Variants in DNAH11 observed in about 807,000 individuals in gnomAD.
DNAH11 encodes the protein dynein axonemal heavy chain 11, also known as axonemal beta dynein heavy chain 11.
DNAH11 carries 442 observed loss-of-function variants against 526.0 expected under a neutral mutation model. The ratio of observed to expected loss-of-function variants is 0.84; its 90% CI spans 0.78 to 0.91. DNAH11 has a LOEUF of 0.91. Among genes scored for constraint, DNAH11 ranks in the 40% least tolerant of loss-of-function variants. DNAH11 has a pLI of 0.00. For synonymous variants in DNAH11, 2,461 were observed against 1,935.9 expected (o/e 1.27, Z -7.12); for missense variants, 6,989 against 5,448.7 (o/e 1.28, Z -8.90).
chr7:21,852,735 G>C (rs1210946449), intron 67 of DNAH11, 104 bp downstream of exon 67: 2 of 1,243,124 alleles, frequency 1.6e-6, no homozygotes, highest in East Asian at 2.5e-5. Flanking sequence ...AAGAGGACCA[G>C]CGTGTGGAAT....
intron 45 of DNAH11, among the ~76,000 whole-genome samples, chr7:21,726,233 C>T (rs545326411): frequency 2.8e-4 from 43 of 152,166 alleles, no homozygotes; most frequent in Middle Eastern, 3.4e-3. Context: ...GTGCTGCACA[C>T]TTTTAAATGG....
At chr7:21,872,134 A>AC (rs1223353981) in intron 73 of DNAH11, among the ~76,000 whole-genome samples, 2 of 111,608 alleles carry the variant, frequency 1.8e-5, no homozygotes, top group African/African-American at 1.1e-4. Context: ...AAAAAAAAAA[A>AC]AAAAAAAAAA....
At chr7:21,894,156 TG>T (rs1784424934) in intron 77 of DNAH11, among the ~76,000 whole-genome samples, 1 of 152,198 alleles carries the variant, frequency 6.6e-6, no homozygotes, top group African/African-American at 2.4e-5. Flanking sequence ...CCCAAAGTGC[TG>T]GGATTACAGG....
chr7:21,602,438 T>C (rs999021378), intron 18 of DNAH11, among the ~76,000 whole-genome samples: 6 of 152,208 alleles, frequency 3.9e-5, no homozygotes, highest in African/African-American at 1.4e-4. Flanking sequence ...CCTGTTTCCA[T>C]GCTGTGGAAA....
intron 14 of DNAH11, among the ~76,000 whole-genome samples, chr7:21,595,528 A>C (rs953003929): frequency 1.3e-5 from 2 of 152,368 alleles, no homozygotes; most frequent in African/African-American, 4.8e-5. Flanking sequence ...GACACGTTAA[A>C]GATTATTCTA....
chr7:21,789,220 TATTA>T lies in DNAH11; in HGVS notation c.9925-17_9925-14del, dbSNP rs763984520. The T allele has an allele frequency of 6.6e-7, 1 of 1,512,592 alleles. No individual in the cohort carries two copies. Among genetic ancestry groups the T allele is most frequent in the Non-Finnish European group, 9.0e-7 (1 of 1,109,750 alleles). The allele number at this position is 1,512,592 out of a possible 1,614,324, so 93.7% of individuals were successfully genotyped here. A position where few individuals can be genotyped will look rare whatever the true frequency, so the allele number is the denominator to read the frequency against. On this transcript the variant is annotated splice_polypyrimidine_tract_variant and intron_variant, in intron 60 of 81. Coordinates refer to ENST00000409508, the MANE Select transcript of DNAH11 (RefSeq NM_001277115.2). ...TGATTACTTATCCTCTTTGTATCTG[TATTA>T]ATTCATGAATTTTCAGGTCTACTGT...
chr7:21,638,370 C>A (rs1757602559), intron 27 of DNAH11, among the ~76,000 whole-genome samples: 1 of 152,064 alleles, frequency 6.6e-6, no homozygotes, highest in African/African-American at 2.4e-5. Context: ...TTAATTATTT[C>A]AGTTGAGTAA....
chr7:21,698,200 T>G lies in DNAH11; in HGVS notation c.6167T>G (p.Leu2056Arg). The G allele has an allele frequency of 6.2e-7, 1 of 1,613,532 alleles. No homozygotes were observed. The highest frequency in any genetic ancestry group is 2.2e-5 in the East Asian group (1 of 44,870). ...ACGTTGTACACGCTTTGCAAGGAGC[T>G]TCTCTCCAAGCAGGTGAGGGATCAT... ...FITLYTLCKE[L>R]LSKQDHYDWG... The change falls in exon 36 of 82, where the codon CTT (leucine) becomes CGT (arginine). Residue 2056 changes from leucine to arginine, a missense_variant. Physicochemically the swap from Leu to Arg is moderately radical, Grantham distance 102. Coordinates refer to ENST00000409508, the MANE Select transcript of DNAH11 (RefSeq NM_001277115.2).
At chr7:21,574,462 G>C (rs1784007881) in intron 8 of DNAH11, among the ~76,000 whole-genome samples, 1 of 151,990 alleles carries the variant, frequency 6.6e-6, no homozygotes, top group African/African-American at 2.4e-5. Flanking sequence ...AATTACCTGA[G>C]ATTATAGTTT....
At chr7:21,591,156 C>A (rs1297037151) in intron 13 of DNAH11, 29 bp from the exon 14 acceptor site, 1 of 1,520,588 alleles carries the variant, frequency 6.6e-7, no homozygotes, top group Non-Finnish European at 8.8e-7. Flanking sequence ...ATATTTGGCA[C>A]TTTTTGTTTT....
Position 21,845,664 on chromosome 7 carries a change from T to A in DNAH11, c.10896+2916T>A, listed in dbSNP as rs1165748336. ...TCTGGAAGCCAAGTAGTGTCAATTCTCTGACTTTGTTTTTCTGTATATTTT... is the reference window on the plus strand; with the variant it reads ...TCTGGAAGCCAAGTAGTGTCAATTCACTGACTTTGTTTTTCTGTATATTTT... On this transcript the variant is annotated intron_variant, in intron 66 of 81. Coordinates refer to ENST00000409508, the MANE Select transcript of DNAH11 (RefSeq NM_001277115.2). Among the ~76,000 whole-genome samples, 3 of 152,192 alleles carry A rather than the reference T, an allele frequency of 2.0e-5. No individual in the cohort carries two copies. In the East Asian group the frequency reaches 5.8e-4, roughly 29 times the overall value.
chr7:21,776,414 A>G (rs16872950), intron 56 of DNAH11, among the ~76,000 whole-genome samples: 10,152 of 152,294 alleles, frequency 0.067, 389 homozygotes, highest in East Asian at 0.14. Flanking sequence ...GGAGAACCAT[A>G]TTGCAGAAGA....
chr7:21,786,647 C>G lies in DNAH11; in HGVS notation c.9621C>G (p.Ala3207=), dbSNP rs1255310124. The change falls in exon 59 of 82, where the codon GCC becomes GCG. Residue 3207 remains alanine (A), a synonymous_variant. Transcript: ENST00000409508. ...AGGTCAACCTCAGTGAGCTGAAAGC[C>G]TTTCCCAACCCTCCCATCGCAGTTA... The part of the protein sequence containing the change: ...LNRVNLSELK[A]FPNPPIAVTN... The G allele has an allele frequency of 6.2e-7, 1 of 1,613,302 alleles. No homozygotes were observed.
chr7:21,743,867 G>A (rs1786029117), intron 49 of DNAH11, among the ~76,000 whole-genome samples: 1 of 152,144 alleles, frequency 6.6e-6, no homozygotes, highest in Non-Finnish European at 1.5e-5. Context: ...CTCCCTTACT[G>A]TTCTCCTGTG....
At position 21,561,151 on chromosome 7, in the gene DNAH11, T is replaced by G. The variant is rs1267455056; in HGVS notation, c.963T>G (p.Ile321Met). The G allele has an allele frequency of 1.3e-6, 2 of 1,595,218 alleles. No homozygotes were observed. The highest frequency in any genetic ancestry group is 3.5e-5 in the Admixed American group (2 of 57,566). Residue 321 changes from isoleucine to methionine, a missense_variant, in exon 5 of 82, where the codon ATT (isoleucine) becomes ATG (methionine). Coordinates refer to ENST00000409508, the MANE Select transcript of DNAH11 (RefSeq NM_001277115.2). Reference sequence around the variant, plus strand: ...GCTATTTTCCTACTCTGAAGGACATTTTTCTGGCTGTGGAAAATGGTAAGA... The same window carrying G: ...GCTATTTTCCTACTCTGAAGGACATGTTTCTGGCTGTGGAAAATGGTAAGA... ...QSSYFPTLKDIFLAVENALLE... is the reference protein window; with the variant it reads ...QSSYFPTLKDMFLAVENALLE...
chr7:21,745,102 G>A (rs1239437915), intron 51 of DNAH11, 39 bp downstream of exon 51: 1 of 1,562,704 alleles, frequency 6.4e-7, no homozygotes, highest in Non-Finnish European at 8.7e-7. Context: ...ACAAAAGGAA[G>A]AATGGCTGGA....
At chr7:21,721,171 A>T (rs1181718609) in intron 44 of DNAH11, among the ~76,000 whole-genome samples, 1 of 152,064 alleles carries the variant, frequency 6.6e-6, no homozygotes, top group Non-Finnish European at 1.5e-5. Context: ...CCTGAGACAG[A>T]TCTCCTCCTC....
In DNAH11 at chr7:21,726,860, C is replaced by CAAAAA. The variant is rs1166791175; in HGVS notation, c.7440+903_7440+907dup. ...TGGGCGACAGAGCAAGACTCTGTCT[C>CAAAAA]AAAAAAAAAAAAAAAAAAAAAAAAA... On this transcript the variant is annotated intron_variant, in intron 45 of 81. Coordinates refer to ENST00000409508, the MANE Select transcript of DNAH11 (RefSeq NM_001277115.2). Among the ~76,000 whole-genome samples, 34 of 13,812 alleles carry CAAAAA rather than the reference C, an allele frequency of 2.5e-3. 5 individuals carry two copies. The highest frequency in any genetic ancestry group is 8.9e-3 in the African/African-American group (23 of 2,584). 9.1% of individuals were successfully genotyped at this position (13,812 alleles called of 152,430 possible). A position where few individuals can be genotyped will look rare whatever the true frequency, so the allele number is the denominator to read the frequency against.
At chr7:21,641,550 C>T (rs1411722455) in intron 28 of DNAH11, among the ~76,000 whole-genome samples, 3 of 152,204 alleles carry the variant, frequency 2.0e-5, no homozygotes, top group Non-Finnish European at 4.4e-5. Context: ...GAAAAGATCA[C>T]TCAATGAATT....
Sources: allele counts gnomAD v4.1 joint callset (sites outside exome capture counted in the v4.1 genomes callset), GRCh38; gene constraint gnomAD v4.1.1; transcripts MANE v1.5; gene names NCBI Gene and HGNC (gene_info 2026-07-23, HGNC 2026-07-21).